Variants in ZMYND11 observed in about 807,000 individuals in gnomAD.
ZMYND11 encodes the protein zinc finger MYND-type containing 11, also known as zinc finger MYND domain-containing protein 11.
In ZMYND11, 9 loss-of-function variants were observed where a neutral mutation model predicts 84.9. The ratio of observed to expected loss-of-function variants is 0.11; its 90% CI spans 0.06 to 0.18. The LOEUF is 0.18. Among genes scored for constraint, ZMYND11 ranks in the 10% least tolerant of loss-of-function variants. The pLI is 1.00. For synonymous variants in ZMYND11, 250 were observed against 244.1 expected (o/e 1.02, Z -0.23); for missense variants, 409 against 761.0 (o/e 0.54, Z 5.44).
At chr10:158,998 T>TTTTTTTTTTTTTTTTTG (rs1842373319) in intron 1 of ZMYND11, among the ~76,000 whole-genome samples, 1 of 147,678 alleles carries the variant, frequency 6.8e-6, no homozygotes. Flanking sequence ...TTTGTTTTTT[T>TTTTTTTTTTTTTTTTTG]TTTTTTTTTT....
rs921888531 is a variant in ZMYND11, at chr10:247,086, T to A, written c.1158+113T>A. The A allele has an allele frequency of 3.3e-5, 38 of 1,168,388 alleles. No individual in the cohort carries two copies. The African/African-American group carries it at 5.6e-4, about 17-fold the overall frequency. 72.4% of individuals were successfully genotyped at this position (1,168,388 alleles called of 1,614,324 possible). On this transcript the variant is annotated intron_variant, in intron 11 of 14. Coordinates refer to ENST00000381604, the MANE Select transcript of ZMYND11 (RefSeq NM_001370100.5). ...ATTTTGACGTTCTCCTTCCCTTTTT[T>A]ACATTTGTAAAGTGCTCTGCAAAAC...
At position 187,193 on chromosome 10, in the gene ZMYND11, T is replaced by A. The variant is rs552299230; in HGVS notation, c.116+7065T>A. 3.7e-4 allele frequency among the ~76,000 whole-genome samples: 56 copies of A among 152,028 alleles called. 2 individuals are homozygous for A. The highest frequency in any genetic ancestry group is 1.2e-3 in the African/African-American group (50 of 41,456). On this transcript the variant is annotated intron_variant, in intron 2 of 14. Transcript: ENST00000381604. The stretch of plus-strand genomic sequence containing the variant: ...GTGAGCTGTGATTGTGCCACTGCAC[T>A]CCAGCCTGGGAGACAGAGTGAGAAC...
At chr10:186,404 A>T (rs1938447335) in intron 2 of ZMYND11, among the ~76,000 whole-genome samples, 1 of 151,840 alleles carries the variant, frequency 6.6e-6, no homozygotes, top group South Asian at 2.1e-4. Context: ...GCACTTAGGG[A>T]GACCGAGGCA....
intron 1 of ZMYND11, among the ~76,000 whole-genome samples, chr10:153,451 A>G (rs1370893857): frequency 6.6e-6 from 1 of 152,252 alleles, no homozygotes; most frequent in African/African-American, 2.4e-5. Context: ...TCCCTGATCT[A>G]CCATGCTGGT....
intron 2 of ZMYND11, among the ~76,000 whole-genome samples, chr10:200,205 G>GGGGTGTGTGTGTGTGTGTGTGTGTGTGT (rs1554774397): frequency 8.2e-4 from 109 of 132,420 alleles, no homozygotes; most frequent in African/African-American, 2.8e-3. Flanking sequence ...GCCTGGCTAG[G>GGGGTGTGTGTGTGTGTGTGTGTGTGTGT]GTGTGTGTGT....
chr10:166,236 A>G (rs1843986412), intron 1 of ZMYND11, among the ~76,000 whole-genome samples: 1 of 152,156 alleles, frequency 6.6e-6, no homozygotes, highest in Non-Finnish European at 1.5e-5. Flanking sequence ...CAAAAGAAAA[A>G]ATAGTTAAGT....
chr10:231,286 C>A (rs1948980429), intron 4 of ZMYND11, among the ~76,000 whole-genome samples: 1 of 152,164 alleles, frequency 6.6e-6, no homozygotes, highest in South Asian at 2.1e-4. Flanking sequence ...TGGGAACGCC[C>A]AAGAAAGTTT....
chr10:197,424 G>T (rs1346761212), intron 2 of ZMYND11, among the ~76,000 whole-genome samples: 5 of 152,192 alleles, frequency 3.3e-5, no homozygotes, highest in Non-Finnish European at 2.9e-5. Flanking sequence ...ATCAGAAGGG[G>T]ATGAGCAGGA....
At chr10:247,573 C>A in intron 12 of ZMYND11, 107 bp downstream of exon 12, 1 of 1,223,174 alleles carries the variant, frequency 8.2e-7, no homozygotes, top group Admixed American at 2.1e-5. Flanking sequence ...TTGGTGGATA[C>A]TTGTGAAATT....
chr10:155,611 G>T (rs991959284), intron 1 of ZMYND11, among the ~76,000 whole-genome samples: 5 of 152,136 alleles, frequency 3.3e-5, no homozygotes, highest in African/African-American at 1.2e-4. Context: ...CACGAAAAAG[G>T]TTTTGCTTGA....
chr10:234,788 G>A (rs556716360), intron 4 of ZMYND11, among the ~76,000 whole-genome samples: 6 of 152,170 alleles, frequency 3.9e-5, no homozygotes, highest in African/African-American at 9.7e-5. Flanking sequence ...GTATCTGACA[G>A]TTCATCAAAC....
At chr10:248,869 T>C in intron 13 of ZMYND11, 34 bp from the exon 14 acceptor site, 1 of 1,577,068 alleles carries the variant, frequency 6.3e-7, no homozygotes, top group Non-Finnish European at 8.6e-7. Flanking sequence ...TTAAGTTGTG[T>C]GCTGACGCAC....
chr10:193,339 G>A (rs1393949069), intron 2 of ZMYND11, among the ~76,000 whole-genome samples: 1 of 152,152 alleles, frequency 6.6e-6, no homozygotes, highest in Non-Finnish European at 1.5e-5. Context: ...GGCCCTTACA[G>A]CATTCCATAT....
At chr10:148,138 G>A (rs934349768) in intron 1 of ZMYND11, 1 of 152,402 alleles carries the variant, frequency 6.6e-6, no homozygotes, top group East Asian at 1.9e-4. Context: ...CAGGCTGGGG[G>A]TAATATTTCC....
At chr10:189,819 G>C (rs1231518393) in intron 2 of ZMYND11, among the ~76,000 whole-genome samples, 1 of 152,220 alleles carries the variant, frequency 6.6e-6, no homozygotes, top group African/African-American at 2.4e-5. Context: ...GAGTCTATCA[G>C]TTTACAACAC....
chr10:249,820 A>G (rs1952981519), intron 14 of ZMYND11: 1 of 924,754 alleles, frequency 1.1e-6, no homozygotes, highest in South Asian at 5.0e-5. Flanking sequence ...AGCCTATATT[A>G]TATAAATACA....
intron 10 of ZMYND11, among the ~76,000 whole-genome samples, chr10:243,229 C>G (rs1253507105): frequency 6.6e-6 from 1 of 152,124 alleles, no homozygotes; most frequent in African/African-American, 2.4e-5. Context: ...AGAAATGTTG[C>G]TACAGAGAGA....
At position 175,066 on chromosome 10, in the gene ZMYND11, A is replaced by C. The variant is rs934611120; in HGVS notation, c.-19-4928A>C. Among the ~76,000 whole-genome samples, 5 of 152,206 alleles carry C rather than the reference A, an allele frequency of 3.3e-5. No individual in the cohort carries two copies. The East Asian group carries it at 7.7e-4, about 23-fold the overall frequency. ...TTGGTCAGAACCCATGGAATGTACA[A>C]CACCAAGAGTGAACCCTAATGTATA... is the stretch of plus-strand genomic sequence containing the variant. On this transcript the variant is annotated intron_variant, in intron 1 of 14. Transcript: ENST00000381604.
intron 4 of ZMYND11, among the ~76,000 whole-genome samples, chr10:231,104 G>A (rs757014998): frequency 1.1e-4 from 16 of 152,176 alleles, no homozygotes; most frequent in South Asian, 2.1e-4. Flanking sequence ...AGCCACACTC[G>A]TGATGTATGC....
Sources: gnomAD v4.1 joint callset for allele counts (sites outside exome capture counted in the v4.1 genomes callset) on GRCh38, gnomAD v4.1.1 for gene constraint, MANE v1.5 for transcripts, NCBI Gene and HGNC (gene_info 2026-07-23, HGNC 2026-07-21) for gene names.